ATAD2B: variants seen among roughly 807,000 people sequenced by gnomAD.
ATAD2B encodes the protein ATPase family AAA domain-containing protein 2B.
ATAD2B carries 40 observed loss-of-function variants against 167.6 expected under a neutral mutation model. The observed-to-expected ratio is 0.24, with a 90% confidence interval of 0.19 to 0.31. The LOEUF is 0.31. Among genes scored for constraint, ATAD2B ranks in the 10% least tolerant of loss-of-function variants. The pLI, the probability that ATAD2B is intolerant of heterozygous loss-of-function variation, is 1.00. For synonymous variants in ATAD2B, 579 were observed against 596.5 expected (o/e 0.97, Z 0.43); for missense variants, 1,242 against 1,757.2 (o/e 0.71, Z 5.24).
chr2:23,778,907 G>A (rs894470554), intron 22 of ATAD2B, among the ~76,000 whole-genome samples: 7 of 152,210 alleles, frequency 4.6e-5, no homozygotes, highest in Middle Eastern at 3.4e-3. Flanking sequence ...CAGTCTCTGC[G>A]TCTTGAAAAC....
chr2:23,765,588 A>G lies in ATAD2B; in HGVS notation c.3174T>C (p.Thr1058=), dbSNP rs1277317277. Residue 1058 remains threonine, a synonymous_variant, in exon 23 of 28, where the codon ACT becomes ACC. Coordinates refer to ENST00000238789, the MANE Select transcript of ATAD2B (RefSeq NM_017552.4). ...IRHRACTLKD[T]AHAIIAAELD... is the part of the protein sequence containing the mutation. ...ATTCAGCTGCAATGATAGCATGTGCAGTGTCCTTCAGGGTACAAGCCCTGT... is the reference window on the plus strand; with the variant it reads ...ATTCAGCTGCAATGATAGCATGTGCGGTGTCCTTCAGGGTACAAGCCCTGT... The G allele has an allele frequency of 3.2e-6, 5 of 1,562,082 alleles. No individual in the cohort carries two copies. Among genetic ancestry groups the G allele is most frequent in the Non-Finnish European group, 4.4e-6 (5 of 1,149,284 alleles).
At chr2:23,685,871 G>A in the ATAD2B span, among the ~76,000 whole-genome samples, 20 of 152,290 alleles carry the variant, frequency 1.3e-4, no homozygotes, top group Admixed American at 2.6e-4. Context: ...ATGGATGAGC[G>A]TCCTAGGGTC....
the ATAD2B span, chr2:23,707,439 ATGT>A: frequency 6.6e-6 from 1 of 152,234 alleles, no homozygotes; most frequent in Non-Finnish European, 1.5e-5. Flanking sequence ...AAGAGGGATA[ATGT>A]TGTGGGAATT....
At chr2:23,834,178 T>G (rs1689534745) in intron 13 of ATAD2B, 100 bp from the exon 14 acceptor site, 1 of 795,344 alleles carries the variant, frequency 1.3e-6, no homozygotes, top group Admixed American at 3.7e-5. Flanking sequence ...TTTTTTTTTT[T>G]TGAGATGGAG....
rs1053030850 is a variant in ATAD2B at position 23,754,519 on chromosome 2, T to C, written c.4206+128A>G. On this transcript the variant is annotated intron_variant, in intron 26 of 27. Transcript: ENST00000238789. ...CCTTAAAATACACATAACTCTTTTTTACTAGGAGCTCTGAGGCATTTATAT... is the reference window on the plus strand; with the variant it reads ...CCTTAAAATACACATAACTCTTTTTCACTAGGAGCTCTGAGGCATTTATAT... 2.4e-6 allele frequency: 3 copies of C among 1,255,224 alleles called. No homozygotes were observed. The African/African-American group carries it at 4.5e-5, about 19-fold the overall frequency. 77.8% of individuals were successfully genotyped at this position (1,255,224 alleles called of 1,614,324 possible). A position where few individuals can be genotyped will look rare whatever the true frequency, so the allele number is the denominator to read the frequency against.
chr2:23,686,629 G>A, the ATAD2B span, among the ~76,000 whole-genome samples: 2 of 152,132 alleles, frequency 1.3e-5, no homozygotes, highest in Non-Finnish European at 2.9e-5. Flanking sequence ...GAGGAGAGCA[G>A]GTCCACAGGC....
intron 2 of ATAD2B, among the ~76,000 whole-genome samples, chr2:23,892,823 C>G (rs1454266858): frequency 6.6e-6 from 1 of 151,884 alleles, no homozygotes; most frequent in East Asian, 1.9e-4. Context: ...TTAGAGTATG[C>G]GTATTATTCT....
chr2:23,884,789 C>T lies in ATAD2B; in HGVS notation c.760G>A (p.Val254Ile), dbSNP rs1241648186. ...NSYGIQNHHE[V>I]STEGEEEESQ... ...CCTTCTTCTTCACCCTCAGTAGAAA[C>T]TTCATGATGATTTTGTATCCCATAA... Residue 254 changes from valine (V) to isoleucine (I), a missense_variant, in exon 6 of 28, where the codon GTT becomes ATT. Physicochemically the swap from Val to Ile is conservative, Grantham distance 29. Coordinates refer to ENST00000238789, the MANE Select transcript of ATAD2B (RefSeq NM_017552.4). 3.8e-6 allele frequency: 6 copies of T among 1,596,462 alleles called. No homozygotes were observed. Among genetic ancestry groups the T allele is most frequent in the Non-Finnish European group, 5.1e-6 (6 of 1,171,348 alleles).
chr2:23,918,902 C>T (rs1036497939), intron 1 of ATAD2B, among the ~76,000 whole-genome samples: 2 of 152,170 alleles, frequency 1.3e-5, no homozygotes, highest in Non-Finnish European at 1.5e-5. Context: ...CTATAAAATG[C>T]GAGTATCATC....
the ATAD2B span, among the ~76,000 whole-genome samples, chr2:23,723,350 G>A: frequency 6.9e-6 from 1 of 145,942 alleles, no homozygotes; most frequent in Non-Finnish European, 1.5e-5. Flanking sequence ...AAAGGAAGGG[G>A]AGGGGATGGG....
At chr2:23,882,502 T>TA (rs770725105) in intron 6 of ATAD2B, among the ~76,000 whole-genome samples, 12,957 of 92,054 alleles carry the variant, frequency 0.14, 1,045 homozygotes, top group Middle Eastern at 0.17. Flanking sequence ...AGCCTCTATT[T>TA]AAAAAAAAAA....
intron 7 of ATAD2B, among the ~76,000 whole-genome samples, chr2:23,879,680 CA>C (rs1198579531): frequency 1.3e-5 from 2 of 152,010 alleles, no homozygotes; most frequent in African/African-American, 4.8e-5. Flanking sequence ...AAAAAGAAAA[CA>C]ACTAAGTTAT....
chr2:23,910,242 G>A (rs1032639046), intron 1 of ATAD2B, among the ~76,000 whole-genome samples: 3 of 146,406 alleles, frequency 2.0e-5, no homozygotes, highest in Non-Finnish European at 4.5e-5. Flanking sequence ...GCAATGGCGC[G>A]ATCTCAGCTC....
At chr2:23,702,129 GCT>G in the ATAD2B span, among the ~76,000 whole-genome samples, 4 of 152,068 alleles carry the variant, frequency 2.6e-5, no homozygotes, top group Non-Finnish European at 4.4e-5. Flanking sequence ...AGCCCACATG[GCT>G]CTTTTTAACT....
chr2:23,897,442 T>C (rs951231772), intron 1 of ATAD2B, among the ~76,000 whole-genome samples: 1 of 152,212 alleles, frequency 6.6e-6, no homozygotes, highest in African/African-American at 2.4e-5. Context: ...GCCTTAGTAT[T>C]CATTGACTAC....
chr2:23,862,695 A>T (rs941732822), intron 12 of ATAD2B, among the ~76,000 whole-genome samples: 2 of 152,158 alleles, frequency 1.3e-5, no homozygotes, highest in Non-Finnish European at 2.9e-5. Context: ...GCATTCACTC[A>T]TGTCTGAATT....
intron 18 of ATAD2B, 96 bp downstream of exon 18, chr2:23,810,220 C>A (rs1038229390): frequency 1.8e-6 from 2 of 1,102,024 alleles, no homozygotes; most frequent in Non-Finnish European, 2.6e-6. Context: ...ATATCGTACT[C>A]TGAAAAAATC....
At chr2:23,811,128 G>A (rs1685522013) in intron 17 of ATAD2B, 1 of 152,150 alleles carries the variant, frequency 6.6e-6, no homozygotes. Flanking sequence ...TTAACTTGAA[G>A]ATGCATTAAA....
chr2:23,812,817 C>T (rs1163385623), intron 17 of ATAD2B, among the ~76,000 whole-genome samples: 1 of 145,694 alleles, frequency 6.9e-6, no homozygotes, highest in Non-Finnish European at 1.5e-5. Context: ...GAGCCAAGAT[C>T]TCACCACTGC....
Sources: allele counts gnomAD v4.1 joint callset (sites outside exome capture counted in the v4.1 genomes callset), GRCh38; gene constraint gnomAD v4.1.1; transcripts MANE v1.5; gene names NCBI Gene and HGNC (gene_info 2026-07-23, HGNC 2026-07-21).